SORCS3: variants seen among roughly 807,000 people sequenced by gnomAD.
SORCS3 encodes the protein VPS10 domain-containing receptor SorCS3.
SORCS3 carries 57 observed loss-of-function variants against 146.3 expected under a neutral mutation model. The ratio of observed to expected loss-of-function variants is 0.39; its 90% CI spans 0.31 to 0.49. The LOEUF is 0.49. SORCS3 is among the 20% of genes least tolerant of loss of function. The pLI, the probability that SORCS3 is intolerant of heterozygous loss-of-function variation, is 0.92. For synonymous variants in SORCS3, 653 were observed against 618.5 expected (o/e 1.06, Z -0.83); for missense variants, 1,341 against 1,575.5 (o/e 0.85, Z 2.52).
intron 2 of SORCS3, among the ~76,000 whole-genome samples, chr10:104,867,006 C>A (rs1049604494): frequency 6.6e-6 from 1 of 152,250 alleles, no homozygotes; most frequent in South Asian, 2.1e-4. Context: ...TTCCTAGAAG[C>A]CTACTGTGGC....
In SORCS3 at chr10:105,159,009, C is replaced by T. The variant is rs980250962; in HGVS notation, c.1732+15C>T. On this transcript the variant is annotated intron_variant, in intron 11 of 26. Transcript: ENST00000369701. ...GGTGGCTACAGGTAAGAAAAACATT[C>T]CCTGTGCTTCTTCCTTACTGAGAGT... is the stretch of plus-strand genomic sequence containing the variant. 1.9e-6 allele frequency: 3 copies of T among 1,550,522 alleles called. No homozygotes were observed. The highest frequency in any genetic ancestry group is 2.7e-6 in the Non-Finnish European group (3 of 1,124,638).
At chr10:104,976,943 A>G (rs1308748108) in intron 3 of SORCS3, among the ~76,000 whole-genome samples, 1 of 152,104 alleles carries the variant, frequency 6.6e-6, no homozygotes, top group Non-Finnish European at 1.5e-5. Flanking sequence ...TAGCATTAGG[A>G]GATATATCTA....
At chr10:104,776,663 G>T (rs185238971) in intron 1 of SORCS3, among the ~76,000 whole-genome samples, 1 of 152,002 alleles carries the variant, frequency 6.6e-6, no homozygotes. Flanking sequence ...TTAAAGGGCA[G>T]TCCAGAATCC....
chr10:105,159,040 G>A (rs761114689), intron 11 of SORCS3, 46 bp downstream of exon 11: 1 of 1,406,526 alleles, frequency 7.1e-7, no homozygotes, highest in Non-Finnish European at 9.9e-7. Context: ...AGAGTGTCTA[G>A]AATAAATTTG....
chr10:104,677,444 G>A (rs941430175), intron 1 of SORCS3, among the ~76,000 whole-genome samples: 1 of 152,236 alleles, frequency 6.6e-6, no homozygotes, highest in Non-Finnish European at 1.5e-5. Flanking sequence ...GAGGTTGAAT[G>A]CAAATGTGTT....
chr10:104,952,668 G>T (rs2019445148), intron 3 of SORCS3, among the ~76,000 whole-genome samples: 1 of 152,216 alleles, frequency 6.6e-6, no homozygotes, highest in Admixed American at 6.5e-5. Context: ...TCTGATAAAA[G>T]TCCACTTTTC....
chr10:105,158,954 C>T lies in SORCS3; in HGVS notation c.1692C>T (p.Ile564=). The part of the protein sequence containing the change: ...LSENPYSSGR[I]SSKETAPGLV... ...AAAATCCATATTCCTCAGGAAGAAT[C>T]TCTAGCAAGGAGACAGCCCCAGGAC... Residue 564 remains isoleucine (I), a synonymous_variant, in exon 11 of 27, where the codon ATC becomes ATT. Coordinates refer to ENST00000369701, the MANE Select transcript of SORCS3 (RefSeq NM_014978.3). 6.2e-7 allele frequency: 1 copy of T among 1,613,184 alleles called. No homozygotes were observed. The highest frequency in any genetic ancestry group is 8.5e-7 in the Non-Finnish European group (1 of 1,179,296).
At chr10:105,069,369 A>G (rs960288414) in intron 5 of SORCS3, among the ~76,000 whole-genome samples, 9 of 152,328 alleles carry the variant, frequency 5.9e-5, no homozygotes, top group Admixed American at 4.6e-4. Flanking sequence ...GGCCAAGAGC[A>G]TGTTTCTGGG....
At chr10:105,004,000 C>CTTTTTTTTTTTTTTTTTTTTTTTTTT (rs1226455197) in intron 4 of SORCS3, among the ~76,000 whole-genome samples, 1 of 140,230 alleles carries the variant, frequency 7.1e-6, no homozygotes, top group African/African-American at 2.7e-5. Flanking sequence ...TCTTCTCTCT[C>CTTTTTTTTTTTTTTTTTTTTTTTTTT]TTTTTTTTTT....
At chr10:105,000,055 CTGAATGAATGAA>C (rs10558991) in intron 4 of SORCS3, among the ~76,000 whole-genome samples, 6 of 150,612 alleles carry the variant, frequency 4.0e-5, no homozygotes, top group East Asian at 1.9e-4. Flanking sequence ...CATTCACCTG[CTGAATGAATGAA>C]TGAATGAATG....
chr10:104,758,137 G>T (rs565670416), intron 1 of SORCS3, among the ~76,000 whole-genome samples: 2 of 152,270 alleles, frequency 1.3e-5, no homozygotes, highest in South Asian at 4.1e-4. Flanking sequence ...GAGGAGAAAG[G>T]GTCTGAGATC....
At chr10:105,213,553 GTTTTT>G (rs1469281674) in intron 17 of SORCS3, among the ~76,000 whole-genome samples, 1 of 152,076 alleles carries the variant, frequency 6.6e-6, no homozygotes, top group African/African-American at 2.4e-5. Context: ...CAGAACATTT[GTTTTT>G]TCAGTGCAGC....
At chr10:105,122,733 C>A (rs1286426174) in intron 7 of SORCS3, among the ~76,000 whole-genome samples, 1 of 150,802 alleles carries the variant, frequency 6.6e-6, no homozygotes, top group Non-Finnish European at 1.5e-5. Flanking sequence ...CTCTCCAGGA[C>A]AGTGCTTCCC....
intron 3 of SORCS3, among the ~76,000 whole-genome samples, chr10:104,937,935 G>A (rs960974100): frequency 5.3e-5 from 8 of 152,180 alleles, no homozygotes; most frequent in African/African-American, 1.9e-4. Flanking sequence ...TTTGGATGCA[G>A]GTGCCAGTGG....
chr10:105,078,984 TG>T (rs1302441908), intron 5 of SORCS3, among the ~76,000 whole-genome samples: 1 of 152,224 alleles, frequency 6.6e-6, no homozygotes, highest in Non-Finnish European at 1.5e-5. Context: ...TTCTCAGCTC[TG>T]ACTTCACATT....
In SORCS3 at chr10:104,745,743, C is replaced by A. The variant is rs35598697; in HGVS notation, c.628-97049C>A. Among the ~76,000 whole-genome samples, 1,369 of 152,304 alleles carry A rather than the reference C, an allele frequency of 9.0e-3. 16 individuals carry two copies. The highest frequency in any genetic ancestry group is 0.014 in the Non-Finnish European group (979 of 68,030). On this transcript the variant is annotated intron_variant, in intron 1 of 26. Coordinates refer to ENST00000369701, the MANE Select transcript of SORCS3 (RefSeq NM_014978.3). Reference sequence around the variant, plus strand: ...GACTGATACCTCCCACTTGCCCCCTCATCCCAGCCCCCAGACACCAGCATT... The same window carrying A: ...GACTGATACCTCCCACTTGCCCCCTAATCCCAGCCCCCAGACACCAGCATT...
chr10:104,854,667 C>G (rs896652416), intron 2 of SORCS3, among the ~76,000 whole-genome samples: 1 of 152,126 alleles, frequency 6.6e-6, no homozygotes, highest in African/African-American at 2.4e-5. Context: ...TGTTCCATCA[C>G]TACAGGAATC....
intron 1 of SORCS3, among the ~76,000 whole-genome samples, chr10:104,712,083 A>G (rs764180968): frequency 5.9e-5 from 9 of 152,144 alleles, no homozygotes; most frequent in Non-Finnish European, 7.3e-5. Context: ...ATTCTTCCAG[A>G]TAATAACAAC....
rs1259099699 is a variant in SORCS3, at chr10:104,953,990, T to C, written c.796-23345T>C. Among the ~76,000 whole-genome samples the C allele has an allele frequency of 2.0e-5, 3 of 152,256 alleles. No homozygotes were observed. In the East Asian group the frequency reaches 5.8e-4, roughly 29 times the overall value. ...CAGTGTGTGCTAATAGCTGTCTGTA[T>C]TGGGCAAGGCCAGGAAAATTGGGGG... On this transcript the variant is annotated intron_variant, in intron 3 of 26. Transcript: ENST00000369701.
Sources: allele counts gnomAD v4.1 joint callset (sites outside exome capture counted in the v4.1 genomes callset), GRCh38; gene constraint gnomAD v4.1.1; transcripts MANE v1.5; gene names NCBI Gene and HGNC (gene_info 2026-07-23, HGNC 2026-07-21).